The following ANO4 variants were observed in gnomAD, a reference collection of about 807,000 sequenced individuals.
ANO4 encodes anoctamin-4.
ANO4 carries 69 observed loss-of-function variants against 141.9 expected under a neutral mutation model. The ratio of observed to expected loss-of-function variants is 0.49; its 90% CI spans 0.40 to 0.59. ANO4 has a LOEUF of 0.59. ANO4 is among the 20% of genes least tolerant of loss of function. The pLI, the probability that ANO4 is intolerant of heterozygous loss-of-function variation, is 0.00. For synonymous variants in ANO4, 350 were observed against 394.3 expected (o/e 0.89, Z 1.33); for missense variants, 894 against 1,162.2 (o/e 0.77, Z 3.36).
intron 8 of ANO4, among the ~76,000 whole-genome samples, chr12:101,010,237 A>G (rs1363206475): frequency 6.6e-6 from 1 of 152,172 alleles, no homozygotes; most frequent in Non-Finnish European, 1.5e-5. Context: ...TGAGAGAGAC[A>G]GAAAAATTGT....
At chr12:101,105,889 G>C (rs945628607) in intron 22 of ANO4, among the ~76,000 whole-genome samples, 3 of 152,196 alleles carry the variant, frequency 2.0e-5, no homozygotes, top group African/African-American at 7.2e-5. Flanking sequence ...GGGAGGCCAA[G>C]GTTGGTGGAT....
chr12:100,932,061 A>G (rs1270965804), intron 3 of ANO4, among the ~76,000 whole-genome samples: 20 of 151,720 alleles, frequency 1.3e-4, no homozygotes, highest in Admixed American at 1.2e-3. Context: ...ATCAGATGCA[A>G]TAACTTGGAA....
chr12:100,905,451 CAAGAA>C (rs148413220), intron 2 of ANO4, among the ~76,000 whole-genome samples: 1,903 of 152,198 alleles, frequency 0.013, 41 homozygotes, highest in African/African-American at 0.044. Context: ...AAAAGTTTAT[CAAGAA>C]GAGAAGAATG....
chr12:100,853,494 G>C (rs1206981763), intron 1 of ANO4, among the ~76,000 whole-genome samples: 5 of 152,050 alleles, frequency 3.3e-5, no homozygotes, highest in African/African-American at 1.2e-4. Flanking sequence ...GTTTTCATAT[G>C]CATTGGTTTC....
At chr12:101,054,657 G>A (rs1046190035) in intron 14 of ANO4, among the ~76,000 whole-genome samples, 8 of 151,990 alleles carry the variant, frequency 5.3e-5, no homozygotes, top group Admixed American at 1.3e-4. Context: ...CCGCCACCAC[G>A]CCCAGCTAAT....
At chr12:100,977,256 C>A (rs2044239949) in intron 7 of ANO4, among the ~76,000 whole-genome samples, 1 of 152,154 alleles carries the variant, frequency 6.6e-6, no homozygotes, top group Admixed American at 6.5e-5. Flanking sequence ...TGTTATCCAT[C>A]TGTAAGTCTC....
At chr12:100,946,239 T>C (rs1050372415) in intron 5 of ANO4, among the ~76,000 whole-genome samples, 2 of 152,152 alleles carry the variant, frequency 1.3e-5, no homozygotes, top group African/African-American at 4.8e-5. Context: ...CTGGGGGATG[T>C]TAGCTTTTCT....
intron 1 of ANO4, among the ~76,000 whole-genome samples, chr12:100,841,594 CA>C (rs2037251716): frequency 6.6e-6 from 1 of 152,130 alleles, no homozygotes; most frequent in Non-Finnish European, 1.5e-5. Flanking sequence ...TGACATTTGA[CA>C]GTCCTAAATA....
At chr12:100,970,919 A>G (rs1012461759) in intron 5 of ANO4, among the ~76,000 whole-genome samples, 4 of 152,092 alleles carry the variant, frequency 2.6e-5, no homozygotes, top group Non-Finnish European at 5.9e-5. Context: ...GGGTTTCACC[A>G]TGTTGTCCAG....
intron 3 of ANO4, among the ~76,000 whole-genome samples, chr12:100,762,242 T>G (rs896984830): frequency 6.6e-6 from 1 of 152,144 alleles, no homozygotes; most frequent in Non-Finnish European, 1.5e-5. Flanking sequence ...GAGAGGCAGG[T>G]GCAGATGCTC....
At chr12:100,852,265 TAAGA>T (rs1382172354) in intron 1 of ANO4, 8 of 152,126 alleles carry the variant, frequency 5.3e-5, no homozygotes, top group Non-Finnish European at 8.8e-5. Flanking sequence ...TTCAAATAAA[TAAGA>T]AAGAGATGGA....
intron 24 of ANO4, among the ~76,000 whole-genome samples, chr12:101,113,203 G>A (rs529207465): frequency 6.6e-6 from 1 of 152,178 alleles, no homozygotes; most frequent in African/African-American, 2.4e-5. Flanking sequence ...CCTTGAGGCT[G>A]TCCCTTAACA....
intron 1 of ANO4, among the ~76,000 whole-genome samples, chr12:100,841,520 A>C (rs1289349694): frequency 1.3e-5 from 2 of 152,108 alleles, no homozygotes; most frequent in African/African-American, 4.8e-5. Flanking sequence ...GGGTGAGGAG[A>C]TATAGAATAA....
intron 1 of ANO4, among the ~76,000 whole-genome samples, chr12:100,832,448 G>A (rs1036061983): frequency 2.6e-5 from 4 of 151,992 alleles, no homozygotes; most frequent in African/African-American, 9.7e-5. Context: ...GTAAATGAAC[G>A]TGTGTTTCCT....
At chr12:100,925,232 C>G (rs781169361) in intron 3 of ANO4, among the ~76,000 whole-genome samples, 1 of 151,960 alleles carries the variant, frequency 6.6e-6, no homozygotes, top group Non-Finnish European at 1.5e-5. Flanking sequence ...TGGAAATCTC[C>G]AAGCATAAAA....
chr12:100,998,379 T>TTATC (rs5800449), intron 8 of ANO4, among the ~76,000 whole-genome samples: 47,400 of 148,644 alleles, frequency 0.32, 7,662 homozygotes, highest in Middle Eastern at 0.38. Flanking sequence ...AAACTCCCCT[T>TTATC]TATCTATCTA....
intron 14 of ANO4, among the ~76,000 whole-genome samples, chr12:101,060,565 G>A (rs913942350): frequency 7.9e-5 from 12 of 152,194 alleles, no homozygotes; most frequent in Non-Finnish European, 2.9e-5. Flanking sequence ...GGGTGCTCCT[G>A]TATTGGGTGC....
Position 101,037,135 on chromosome 12 carries a change from G to A in ANO4, c.882G>A (p.Ala294=), listed in dbSNP as rs770668981. 14 of 1,613,756 alleles carry A rather than the reference G, an allele frequency of 8.7e-6. No individual in the cohort carries two copies. Among genetic ancestry groups the A allele is most frequent in the African/African-American group, 2.7e-5 (2 of 74,902 alleles). The stretch of plus-strand genomic sequence containing the variant: ...TTACCAATGGCTCCTATGAAGCTGC[G>A]TTTCCCCTGCATGAGGTATTGTGCT... The part of the protein sequence containing the change: ...RLLTNGSYEA[A]FPLHEGSYRS... Residue 294 remains alanine (A), a synonymous_variant, in exon 10 of 28, where the codon GCG becomes GCA. Transcript: ENST00000392977.
intron 3 of ANO4, among the ~76,000 whole-genome samples, chr12:100,782,272 C>T (rs564302892): frequency 1.3e-5 from 2 of 152,306 alleles, no homozygotes; most frequent in African/African-American, 4.8e-5. Flanking sequence ...TAATCTCTAT[C>T]CTTCCAATGA....
Sources: gnomAD v4.1 joint callset for allele counts (sites outside exome capture counted in the v4.1 genomes callset) on GRCh38, gnomAD v4.1.1 for gene constraint, MANE v1.5 for transcripts, NCBI Gene and HGNC (gene_info 2026-07-23, HGNC 2026-07-21) for gene names.